Variants in FEZ2 observed in about 807,000 individuals in gnomAD.
The protein encoded by FEZ2 is fasciculation and elongation protein zeta-2.
A neutral mutation model predicts 40.4 loss-of-function variants in FEZ2; 51 were observed. That is an observed-to-expected ratio of 1.26 (90% confidence interval 1.01 to 1.59). The LOEUF (loss-of-function observed/expected upper bound fraction) is 1.59, where lower values mean the gene tolerates loss of function less well. FEZ2 is among the 40% of genes most tolerant of loss of function. The probability of loss-of-function intolerance (pLI) is 0.00; values close to 1 mark genes in which losing one functional copy is unlikely to be tolerated. For missense variants in FEZ2, 640 were observed against 438.3 expected (o/e 1.46, Z -4.11); for synonymous variants, 242 against 172.0 (o/e 1.41, Z -3.18).
rs775127654 is a variant in FEZ2, at chr2:36,590,909, T to C, written c.369A>G (p.Glu123=). The C allele has an allele frequency of 1.9e-6, 3 of 1,585,722 alleles. No homozygotes were observed. Among genetic ancestry groups the C allele is most frequent in the Non-Finnish European group, 2.6e-6 (3 of 1,154,262 alleles). Reference sequence around the variant, plus strand: ...GGTTCAATTCCTAACTTACCCCTTTTTCTGAGAGGTTCAGAGTAAGCAAGT... The same window carrying C: ...GGTTCAATTCCTAACTTACCCCTTTCTCTGAGAGGTTCAGAGTAAGCAAGT... The part of the protein sequence containing the change: ...TLHLLTLNLS[E]KGVSDSLLFD... Residue 123 remains glutamate, a synonymous_variant, in exon 2 of 8, where the codon GAA becomes GAG. Coordinates refer to ENST00000405912, the MANE Select transcript of FEZ2 (RefSeq NM_005102.3).
intron 3 of FEZ2, 111 bp from the exon 4 acceptor site, chr2:36,581,542 T>C (rs1668748519): frequency 4.4e-6 from 4 of 899,168 alleles, no homozygotes; most frequent in Non-Finnish European, 7.1e-6. Context: ...GAATTCTCCA[T>C]TAACCAATGG....
chr2:36,592,518 C>T (rs78981724), intron 1 of FEZ2, among the ~76,000 whole-genome samples: 2,869 of 152,124 alleles, frequency 0.019, 110 homozygotes, highest in African/African-American at 0.066. Flanking sequence ...TTAAAATGCA[C>T]GTTAGGGATG....
At chr2:36,562,788 C>A (rs149153993) in intron 5 of FEZ2, among the ~76,000 whole-genome samples, 240 of 152,306 alleles carry the variant, frequency 1.6e-3, no homozygotes, top group African/African-American at 5.3e-3. Context: ...AAACTATTCT[C>A]AAATAACCAA....
chr2:36,563,736 A>T (rs1001978603), intron 5 of FEZ2, among the ~76,000 whole-genome samples: 21 of 152,146 alleles, frequency 1.4e-4, no homozygotes, highest in Non-Finnish European at 2.4e-4. Context: ...TTCCTGAAAC[A>T]GCTCTTCCCA....
At chr2:36,596,410 C>T (rs186789691) in intron 1 of FEZ2, among the ~76,000 whole-genome samples, 1 of 152,350 alleles carries the variant, frequency 6.6e-6, no homozygotes, top group East Asian at 1.9e-4. Context: ...TCTTCCCTAA[C>T]CTCTAAGAGT....
At chr2:36,565,940 T>C (rs1425262409) in intron 5 of FEZ2, among the ~76,000 whole-genome samples, 2 of 151,956 alleles carry the variant, frequency 1.3e-5, no homozygotes, top group East Asian at 1.9e-4. Context: ...TCATGTCCCA[T>C]GGGGGGCAAA....
At chr2:36,596,643 T>A (rs1669232959) in intron 1 of FEZ2, among the ~76,000 whole-genome samples, 1 of 152,148 alleles carries the variant, frequency 6.6e-6, no homozygotes. Context: ...TTTTTTTAAT[T>A]TTTTTGTAAA....
intron 5 of FEZ2, among the ~76,000 whole-genome samples, chr2:36,560,409 G>T (rs186826832): frequency 3.9e-5 from 6 of 152,254 alleles, no homozygotes; most frequent in African/African-American, 1.4e-4. Flanking sequence ...CCCCAAAAAT[G>T]ACATCTTGCG....
chr2:36,581,762 T>C (rs3770788), intron 3 of FEZ2, among the ~76,000 whole-genome samples: 58,985 of 152,008 alleles, frequency 0.39, 11,682 homozygotes, highest in East Asian at 0.63. Flanking sequence ...ACACCAGAGC[T>C]AGATCATACA....
chr2:36,559,713 G>C (rs1238766453), intron 5 of FEZ2, among the ~76,000 whole-genome samples: 2 of 152,356 alleles, frequency 1.3e-5, no homozygotes, highest in Non-Finnish European at 2.9e-5. Context: ...AACCTGGAGA[G>C]GCACCAGGCG....
chr2:36,582,885 C>G (rs1426012036), intron 3 of FEZ2, among the ~76,000 whole-genome samples: 1 of 152,196 alleles, frequency 6.6e-6, no homozygotes, highest in Non-Finnish European at 1.5e-5. Context: ...TAAGTGAATA[C>G]AGGGTTGACC....
rs1316269975 is a variant in FEZ2 at position 36,552,339 on chromosome 2, A to G, written c.*824T>C. 1.0e-5 allele frequency: 4 copies of G among 387,492 alleles called. No individual in the cohort carries two copies. The highest frequency in any genetic ancestry group is 2.0e-5 in the Non-Finnish European group (4 of 200,142). 24.0% of individuals were successfully genotyped at this position (387,492 alleles called of 1,614,324 possible). A position where few individuals can be genotyped will look rare whatever the true frequency, so the allele number is the denominator to read the frequency against. ...GTGCTCATGATATTGATGAATCCAT[A>G]AGTAGCTGTATCTAGAATTCATACT... is the stretch of plus-strand genomic sequence containing the variant. On this transcript the variant is annotated 3_prime_UTR_variant, in exon 8 of 8. Coordinates refer to ENST00000405912, the MANE Select transcript of FEZ2 (RefSeq NM_005102.3).
intron 4 of FEZ2, among the ~76,000 whole-genome samples, chr2:36,580,011 T>A (rs556264708): frequency 2.0e-5 from 3 of 152,004 alleles, no homozygotes; most frequent in African/African-American, 4.8e-5. Context: ...CGTGAAGACA[T>A]AGGGAAAAGG....
chr2:36,590,949 T>C lies in FEZ2; in HGVS notation c.329A>G (p.His110Arg). 1.9e-6 allele frequency: 3 copies of C among 1,613,268 alleles called. No individual in the cohort carries two copies. Among genetic ancestry groups the C allele is most frequent in the Non-Finnish European group, 1.7e-6 (2 of 1,179,164 alleles). ...AGTAAGCAAGTGCAAGGTCCTAGTA[T>C]GCGATGACTTCCAGTCTACAGGCAT... ...NVMPVDWKSS[H>R]TRTLHLLTLN... is the part of the protein sequence containing the mutation. The change falls in exon 2 of 8, where the codon CAT becomes CGT. Residue 110 changes from histidine (H) to arginine (R), a missense_variant. Transcript: ENST00000405912.
chr2:36,570,477 A>T (rs987706367), intron 5 of FEZ2, among the ~76,000 whole-genome samples: 2 of 152,208 alleles, frequency 1.3e-5, no homozygotes, highest in Non-Finnish European at 2.9e-5. Context: ...AAAACCACTA[A>T]AACTAGAATA....
chr2:36,595,498 T>C (rs572005484), intron 1 of FEZ2, among the ~76,000 whole-genome samples: 1 of 152,106 alleles, frequency 6.6e-6, no homozygotes, highest in Non-Finnish European at 1.5e-5. Context: ...GTGGCTCAGG[T>C]GGTAATGCAA....
chr2:36,579,113 A>T, intron 4 of FEZ2: 1 of 432,252 alleles, frequency 2.3e-6, no homozygotes, highest in Non-Finnish European at 4.1e-6. Context: ...AGAAAGTCTA[A>T]CAAAAGTTTT....
intron 5 of FEZ2, among the ~76,000 whole-genome samples, chr2:36,565,131 A>C (rs34425257): frequency 0.41 from 62,407 of 152,030 alleles, 13,160 homozygotes; most frequent in East Asian, 0.64. Context: ...GGTGTCCGAA[A>C]CAATCAACCT....
At chr2:36,566,840 T>C (rs766595299) in intron 5 of FEZ2, among the ~76,000 whole-genome samples, 2 of 152,258 alleles carry the variant, frequency 1.3e-5, no homozygotes, top group Non-Finnish European at 2.9e-5. Flanking sequence ...GATTAAATCA[T>C]ATTAACTTTA....
Sources: allele counts gnomAD v4.1 joint callset (sites outside exome capture counted in the v4.1 genomes callset), GRCh38; gene constraint gnomAD v4.1.1; transcripts MANE v1.5; gene names NCBI Gene and HGNC (gene_info 2026-07-23, HGNC 2026-07-21).